ANTXR1: variants seen among roughly 807,000 people sequenced by gnomAD.
ANTXR1 encodes anthrax toxin receptor 1.
ANTXR1 carries 19 observed loss-of-function variants against 78.1 expected under a neutral mutation model. That is an observed-to-expected ratio of 0.24 (90% CI 0.17 to 0.36). The LOEUF (loss-of-function observed/expected upper bound fraction) is 0.36. ANTXR1 is among the 10% of genes least tolerant of loss of function. ANTXR1 has a pLI of 1.00. For missense variants in ANTXR1, 518 were observed against 718.6 expected, an observed-to-expected ratio of 0.72 and a Z score of 3.19; for synonymous variants, 273 against 260.5, an observed-to-expected ratio of 1.05 and a Z score of -0.46.
At chr2:69,138,586 G>A (rs576159701) in intron 12 of ANTXR1, among the ~76,000 whole-genome samples, 12 of 152,232 alleles carry the variant, frequency 7.9e-5, no homozygotes, top group African/African-American at 2.9e-4. Flanking sequence ...TATACATTAA[G>A]GCACCAAGGA....
At chr2:69,138,156 G>T (rs750362785) in intron 12 of ANTXR1, among the ~76,000 whole-genome samples, 2 of 151,866 alleles carry the variant, frequency 1.3e-5, no homozygotes, top group Non-Finnish European at 2.9e-5. Flanking sequence ...GGAGTTGTCA[G>T]TGGGAAAGAG....
At chr2:69,071,899 G>A (rs1670579273) in intron 5 of ANTXR1, 112 bp downstream of exon 5, 1 of 988,964 alleles carries the variant, frequency 1.0e-6, no homozygotes, top group Admixed American at 1.9e-5. Context: ...GATATTATCT[G>A]TAATTCTTAG....
chr2:69,013,472 G>T lies in ANTXR1; in HGVS notation c.-28G>T. 6.3e-7 allele frequency: 1 copy of T among 1,583,378 alleles called. No homozygotes were observed. Among genetic ancestry groups the T allele is most frequent in the East Asian group, 2.3e-5 (1 of 43,930 alleles). ...GAGTTCGCGGAGCGTGGGAAGGAGCGGACCCTGCTCTCCCCGGGCTGCGGG... is the reference window on the plus strand; with the variant it reads ...GAGTTCGCGGAGCGTGGGAAGGAGCTGACCCTGCTCTCCCCGGGCTGCGGG... On this transcript the variant is annotated 5_prime_UTR_variant, in exon 1 of 18. Coordinates refer to ENST00000303714, the MANE Select transcript of ANTXR1 (RefSeq NM_032208.3). The surrounding 1 kb of genome is among the most constrained non-coding windows in gnomAD (Gnocchi z 5.0).
chr2:69,143,936 C>T (rs971615781), intron 12 of ANTXR1, among the ~76,000 whole-genome samples: 2 of 152,120 alleles, frequency 1.3e-5, no homozygotes, highest in Non-Finnish European at 2.9e-5. Flanking sequence ...GTTAGATCAT[C>T]CCTAAGGTGC....
chr2:69,125,905 G>A (rs1042660405), intron 12 of ANTXR1, among the ~76,000 whole-genome samples: 6 of 151,938 alleles, frequency 3.9e-5, no homozygotes, highest in Non-Finnish European at 5.9e-5. Flanking sequence ...CTTTGTCGGC[G>A]TATTCAGTTT....
At chr2:69,148,532 G>A (rs1673294215) in intron 12 of ANTXR1, among the ~76,000 whole-genome samples, 4 of 152,134 alleles carry the variant, frequency 2.6e-5, no homozygotes, top group Non-Finnish European at 4.4e-5. Context: ...ATCTCTCCTT[G>A]CCTTGGTATT....
chr2:69,184,854 A>G (rs1258498230), intron 16 of ANTXR1, among the ~76,000 whole-genome samples: 1 of 152,210 alleles, frequency 6.6e-6, no homozygotes, highest in African/African-American at 2.4e-5. Flanking sequence ...ATCACCTGAG[A>G]GTGATTTAAA....
chr2:69,224,602 G>T (rs1341973578), intron 17 of ANTXR1, among the ~76,000 whole-genome samples: 1 of 152,098 alleles, frequency 6.6e-6, no homozygotes, highest in Admixed American at 6.5e-5. Context: ...GGGCCCCACC[G>T]TTGCTCAGGC....
intron 5 of ANTXR1, 96 bp downstream of exon 5, chr2:69,071,883 A>G (rs749587178): frequency 2.7e-6 from 3 of 1,096,778 alleles, no homozygotes; most frequent in South Asian, 2.6e-5. Context: ...TTCAAAAGAC[A>G]TGTATGATAT....
intron 3 of ANTXR1, among the ~76,000 whole-genome samples, chr2:69,054,594 C>T (rs1400387472): frequency 6.6e-6 from 1 of 152,100 alleles, no homozygotes; most frequent in East Asian, 1.9e-4. Context: ...TGAGTGAAAA[C>T]CAAGAGACCA....
At chr2:69,176,138 G>T (rs146661845) in intron 14 of ANTXR1, among the ~76,000 whole-genome samples, 24 of 149,528 alleles carry the variant, frequency 1.6e-4, no homozygotes, top group African/African-American at 5.7e-4. Flanking sequence ...CCTAGAGAAG[G>T]CCCAAAATTC....
At chr2:69,089,548 C>T (rs1371475914) in intron 8 of ANTXR1, among the ~76,000 whole-genome samples, 3 of 152,318 alleles carry the variant, frequency 2.0e-5, no homozygotes, top group East Asian at 3.9e-4. Context: ...TCACTTCTTG[C>T]GTCATCTTCC....
chr2:69,168,869 A>C (rs1216500049), intron 13 of ANTXR1, among the ~76,000 whole-genome samples: 3 of 152,222 alleles, frequency 2.0e-5, no homozygotes. Context: ...ATGAAATGAG[A>C]GTTTGAAACC....
intron 16 of ANTXR1, among the ~76,000 whole-genome samples, chr2:69,192,873 G>A (rs188673148): frequency 2.4e-4 from 37 of 152,254 alleles, no homozygotes; most frequent in Non-Finnish European, 2.4e-4. Flanking sequence ...TGCATTCCAG[G>A]GGCCTTTAAT....
At chr2:69,210,966 G>C (rs921428554) in intron 17 of ANTXR1, among the ~76,000 whole-genome samples, 14 of 151,242 alleles carry the variant, frequency 9.3e-5, no homozygotes, top group Non-Finnish European at 1.8e-4. Context: ...AGAACCAGAT[G>C]GTTGTCACAA....
chr2:69,118,508 A>G (rs1672227833), intron 10 of ANTXR1, among the ~76,000 whole-genome samples: 1 of 152,196 alleles, frequency 6.6e-6, no homozygotes, highest in Non-Finnish European at 1.5e-5. Context: ...ACCCCTCCCT[A>G]ATTTTCTCCC....
chr2:69,123,920 A>G (rs566205232), intron 11 of ANTXR1, among the ~76,000 whole-genome samples: 46 of 152,316 alleles, frequency 3.0e-4, no homozygotes, highest in African/African-American at 5.5e-4. Context: ...TTTGCCTTCA[A>G]TCGTGTGTTC....
At chr2:69,116,824 A>C (rs1231462782) in intron 10 of ANTXR1, among the ~76,000 whole-genome samples, 2 of 152,238 alleles carry the variant, frequency 1.3e-5, no homozygotes, top group East Asian at 3.8e-4. Flanking sequence ...AGACTTGAAA[A>C]GTATTTGGAT....
chr2:69,106,217 A>C (rs928019879), intron 10 of ANTXR1, among the ~76,000 whole-genome samples: 1 of 152,236 alleles, frequency 6.6e-6, no homozygotes, highest in Middle Eastern at 3.2e-3. Flanking sequence ...AAGATAGGTT[A>C]ATACATGCTT....
Sources: gnomAD v4.1 joint callset for allele counts (sites outside exome capture counted in the v4.1 genomes callset) on GRCh38, gnomAD v4.1.1 for gene constraint, Gnocchi (gnomAD v3.1) non-coding constraint, MANE v1.5 for transcripts, NCBI Gene and HGNC (gene_info 2026-07-23, HGNC 2026-07-21) for gene names.